Variants in CNTN3 observed in about 807,000 individuals in gnomAD.
The protein encoded by CNTN3 is contactin 3, also known as contactin-3.
In CNTN3, 60 loss-of-function variants were observed where a neutral mutation model predicts 119.1. The ratio of observed to expected loss-of-function variants is 0.50; its 90% CI spans 0.41 to 0.62. The LOEUF (loss-of-function observed/expected upper bound fraction) is 0.62. Ranked by LOEUF, CNTN3 falls within the 20% of genes least tolerant of loss-of-function variation. CNTN3 has a pLI of 0.00. For synonymous variants in CNTN3, 450 were observed against 438.7 expected (o/e 1.03, Z -0.32); for missense variants, 1,101 against 1,242.4 (o/e 0.89, Z 1.71).
At chr3:74,287,216 A>G (rs558697866) in intron 19 of CNTN3, among the ~76,000 whole-genome samples, 1 of 152,314 alleles carries the variant, frequency 6.6e-6, no homozygotes, top group South Asian at 2.1e-4. Flanking sequence ...TCATAAAACC[A>G]TTTCACAAAC....
intron 11 of CNTN3, among the ~76,000 whole-genome samples, chr3:74,339,759 C>T (rs1398619029): frequency 2.6e-4 from 39 of 152,130 alleles, no homozygotes; most frequent in Non-Finnish European, 4.4e-5. Context: ...TTTAGAGAGT[C>T]ACTGTAAAGG....
intron 6 of CNTN3, among the ~76,000 whole-genome samples, chr3:74,370,627 G>T (rs975648917): frequency 2.6e-5 from 4 of 152,046 alleles, no homozygotes; most frequent in Non-Finnish European, 5.9e-5. Context: ...ATGCTTTGTG[G>T]TCATAGCATT....
chr3:74,604,357 T>C (rs1186165017), intron 1 of CNTN3, among the ~76,000 whole-genome samples: 1 of 151,914 alleles, frequency 6.6e-6, no homozygotes, highest in African/African-American at 2.4e-5. Context: ...AAGGAAAGAA[T>C]CAACAGGAAG....
At chr3:74,298,401 C>T (rs1050352806) in intron 17 of CNTN3, among the ~76,000 whole-genome samples, 5 of 152,140 alleles carry the variant, frequency 3.3e-5, no homozygotes, top group African/African-American at 1.2e-4. Flanking sequence ...TCATAGCCAT[C>T]CAGATAATGA....
chr3:74,594,140 T>C (rs939751161), intron 1 of CNTN3, among the ~76,000 whole-genome samples: 10 of 151,918 alleles, frequency 6.6e-5, no homozygotes, highest in African/African-American at 1.9e-4. Context: ...GAGTCTGTTG[T>C]GCACTTCCTA....
At chr3:74,323,567 T>C (rs1240789755) in intron 13 of CNTN3, among the ~76,000 whole-genome samples, 1 of 152,196 alleles carries the variant, frequency 6.6e-6, no homozygotes, top group Non-Finnish European at 1.5e-5. Context: ...AGCCACTGCA[T>C]CTTATACTTT....
intron 3 of CNTN3, among the ~76,000 whole-genome samples, chr3:74,494,183 A>G (rs1575780733): frequency 2.0e-5 from 3 of 152,200 alleles, no homozygotes; most frequent in Middle Eastern, 6.8e-3. Flanking sequence ...CAGTCAGAAC[A>G]TTCCATGGCT....
At chr3:74,611,854 G>C (rs1035413332) in intron 1 of CNTN3, among the ~76,000 whole-genome samples, 9 of 152,156 alleles carry the variant, frequency 5.9e-5, no homozygotes, top group African/African-American at 2.2e-4. Flanking sequence ...AGGCAGACTG[G>C]TGGTGACAAC....
intron 4 of CNTN3, among the ~76,000 whole-genome samples, chr3:74,438,033 C>T (rs1047991059): frequency 2.0e-5 from 3 of 152,156 alleles, no homozygotes; most frequent in African/African-American, 7.2e-5. Flanking sequence ...ATTAGTTATA[C>T]AAAGATGTAC....
intron 20 of CNTN3, among the ~76,000 whole-genome samples, chr3:74,280,799 T>G (rs1701990050): frequency 6.6e-6 from 1 of 152,184 alleles, no homozygotes; most frequent in South Asian, 2.1e-4. Context: ...CACAACGATG[T>G]CCTGGGGACA....
chr3:74,369,364 A>T lies in CNTN3; in HGVS notation c.771T>A (p.Pro257=). ...LECFALGNPI[P]QINWRRSDGL... is the part of the protein sequence containing the mutation. The stretch of plus-strand genomic sequence containing the variant: ...CATCACTTCTTCTCCAATTAATCTG[A>T]GGTATGGGACTAAGAAGAAAATCGT... The change falls in exon 8 of 23, where the codon CCT becomes CCA. Residue 257 remains proline (P), a synonymous_variant. Coordinates refer to ENST00000263665, the MANE Select transcript of CNTN3 (RefSeq NM_020872.3). 1 of 1,605,032 alleles carries T rather than the reference A, an allele frequency of 6.2e-7. No homozygotes were observed. Among genetic ancestry groups the T allele is most frequent in the Non-Finnish European group, 8.5e-7 (1 of 1,176,042 alleles).
chr3:74,279,749 C>T (rs1701960933), intron 20 of CNTN3, among the ~76,000 whole-genome samples: 2 of 151,974 alleles, frequency 1.3e-5, no homozygotes, highest in East Asian at 1.9e-4. Context: ...AAAACTTACT[C>T]ATATAACCAA....
rs534337349 is a variant in CNTN3, at chr3:74,365,802, C to T, written c.947-100G>A. 205 of 1,309,120 alleles carry T rather than the reference C, an allele frequency of 1.6e-4. No homozygotes were observed. In the African/African-American group the frequency reaches 2.9e-3, roughly 19 times the overall value. 81.1% of individuals were successfully genotyped at this position (1,309,120 alleles called of 1,614,324 possible). On this transcript the variant is annotated intron_variant, in intron 8 of 22. Transcript: ENST00000263665. ...TCTTACCTGGATTAATAGAAATGGA[C>T]ATGATAATGAGTAACAGATTGAAGT...
chr3:74,326,428 T>A (rs1703132684), intron 13 of CNTN3, among the ~76,000 whole-genome samples: 1 of 152,190 alleles, frequency 6.6e-6, no homozygotes, highest in South Asian at 2.1e-4. Context: ...AATAGAATAA[T>A]TAGCGCATCT....
intron 4 of CNTN3, among the ~76,000 whole-genome samples, chr3:74,443,401 C>T (rs532972337): frequency 3.3e-5 from 5 of 152,270 alleles, no homozygotes; most frequent in African/African-American, 1.2e-4. Flanking sequence ...TCTCATATTC[C>T]TCCCATCCAG....
chr3:74,282,518 G>A (rs550118997), intron 20 of CNTN3, among the ~76,000 whole-genome samples: 61 of 152,230 alleles, frequency 4.0e-4, no homozygotes, highest in African/African-American at 1.4e-3. Context: ...TTTGTGCTGG[G>A]CACTGTGGCT....
intron 1 of CNTN3, among the ~76,000 whole-genome samples, chr3:74,532,889 G>C (rs1703713481): frequency 6.6e-6 from 1 of 152,042 alleles, no homozygotes; most frequent in Non-Finnish European, 1.5e-5. Context: ...GATTTTTCTA[G>C]AGGGAAGAGT....
intron 22 of CNTN3, 133 bp downstream of exon 22, chr3:74,266,348 G>T: frequency 1.1e-6 from 1 of 919,670 alleles, no homozygotes; most frequent in Non-Finnish European, 1.6e-6. Flanking sequence ...CGTCTCACCT[G>T]CCAAAACCTT....
intron 8 of CNTN3, among the ~76,000 whole-genome samples, chr3:74,368,315 C>T (rs956333557): frequency 2.0e-5 from 3 of 152,138 alleles, no homozygotes; most frequent in Middle Eastern, 3.4e-3. Context: ...TATCCAAGGA[C>T]GTGTTGCAAG....
Sources: gnomAD v4.1 joint callset for allele counts (sites outside exome capture counted in the v4.1 genomes callset) on GRCh38, gnomAD v4.1.1 for gene constraint, MANE v1.5 for transcripts, NCBI Gene and HGNC (gene_info 2026-07-23, HGNC 2026-07-21) for gene names.